CCSER1: variants seen among roughly 807,000 people sequenced by gnomAD.
The protein encoded by CCSER1 is serine-rich coiled-coil domain-containing protein 1.
Under a neutral mutation model 82.0 loss-of-function variants are expected in CCSER1, and 41 were observed. The observed-to-expected ratio is 0.50, with a 90% confidence interval of 0.39 to 0.65. CCSER1 has a LOEUF of 0.65. Among genes scored for constraint, CCSER1 ranks in the 30% least tolerant of loss-of-function variants. The pLI is 0.00. For synonymous variants in CCSER1, 414 were observed against 383.9 expected (o/e 1.08, Z -0.92); for missense variants, 1,119 against 1,064.2 (o/e 1.05, Z -0.72).
chr4:90,271,138 T>A (rs775823525), intron 1 of CCSER1, among the ~76,000 whole-genome samples: 1 of 151,850 alleles, frequency 6.6e-6, no homozygotes, highest in Admixed American at 6.6e-5. Flanking sequence ...AGAAAAAAAA[T>A]GCTAAAATTT....
At chr4:91,588,052 T>C (rs1054985031) in intron 10 of CCSER1, among the ~76,000 whole-genome samples, 3 of 151,598 alleles carry the variant, frequency 2.0e-5, no homozygotes, top group African/African-American at 7.3e-5. Context: ...ATCTTTGCAA[T>C]TGTAAGCTTC....
chr4:91,496,777 G>GAATATATATTTGAATATATATATATTC (rs1758911897), intron 10 of CCSER1, among the ~76,000 whole-genome samples: 1 of 80,738 alleles, frequency 1.2e-5, no homozygotes, highest in Non-Finnish European at 2.4e-5. Context: ...AATATATATT[G>GAATATATATTTGAATATATATATATTC]AATATATATT....
chr4:90,292,334 T>C (rs548247005), intron 1 of CCSER1, among the ~76,000 whole-genome samples: 2 of 152,096 alleles, frequency 1.3e-5, no homozygotes, highest in Non-Finnish European at 2.9e-5. Flanking sequence ...TGTATATTTG[T>C]ATGTGTACTA....
chr4:91,047,307 A>C (rs1161920744), intron 9 of CCSER1, among the ~76,000 whole-genome samples: 2 of 152,166 alleles, frequency 1.3e-5, no homozygotes, highest in Admixed American at 1.3e-4. Context: ...TATTCACCTC[A>C]GAATGATTTC....
intron 2 of CCSER1, among the ~76,000 whole-genome samples, chr4:90,311,498 T>C (rs1735278890): frequency 6.6e-6 from 1 of 152,156 alleles, no homozygotes; most frequent in Admixed American, 6.5e-5. Flanking sequence ...TTTTTGAAAA[T>C]ATTCATGTGC....
intron 9 of CCSER1, among the ~76,000 whole-genome samples, chr4:90,999,711 C>T (rs1317845713): frequency 1.3e-5 from 2 of 152,090 alleles, no homozygotes; most frequent in Admixed American, 6.6e-5. Flanking sequence ...GTTTCTTTTG[C>T]TGTGCAGAAG....
At chr4:91,223,792 T>A (rs933680860) in intron 10 of CCSER1, among the ~76,000 whole-genome samples, 1 of 151,952 alleles carries the variant, frequency 6.6e-6, no homozygotes, top group Non-Finnish European at 1.5e-5. Context: ...ATAGAGAAAA[T>A]CCTTAAGAAA....
chr4:90,581,384 A>G (rs1781399108), intron 5 of CCSER1, among the ~76,000 whole-genome samples: 1 of 152,172 alleles, frequency 6.6e-6, no homozygotes, highest in South Asian at 2.1e-4. Context: ...TCTTCAGGAC[A>G]TTCAGTAGGA....
At chr4:90,732,062 A>ACTCTCC (rs1744858049) in intron 7 of CCSER1, among the ~76,000 whole-genome samples, 1 of 76,158 alleles carries the variant, frequency 1.3e-5, no homozygotes, top group Admixed American at 1.1e-4. Context: ...TCTCTCTCTC[A>ACTCTCC]CTGCTCTATT....
At chr4:91,484,145 A>G (rs1429775324) in intron 10 of CCSER1, among the ~76,000 whole-genome samples, 1 of 151,798 alleles carries the variant, frequency 6.6e-6, no homozygotes, top group Non-Finnish European at 1.5e-5. Context: ...TTTTTTTTGA[A>G]ACCTCTAGTC....
At chr4:90,972,846 G>C (rs753688938) in intron 9 of CCSER1, among the ~76,000 whole-genome samples, 2 of 151,692 alleles carry the variant, frequency 1.3e-5, no homozygotes, top group Non-Finnish European at 2.9e-5. Context: ...GAGTGCAGAG[G>C]TAATTCTCCA....
intron 10 of CCSER1, among the ~76,000 whole-genome samples, chr4:91,121,464 T>C (rs1489292343): frequency 6.6e-6 from 1 of 151,650 alleles, no homozygotes; most frequent in Non-Finnish European, 1.5e-5. Flanking sequence ...TTCTTTATAG[T>C]AGAAGTGTAT....
At chr4:90,579,672 G>A (rs1052586834) in intron 5 of CCSER1, among the ~76,000 whole-genome samples, 1 of 148,172 alleles carries the variant, frequency 6.7e-6, no homozygotes. Flanking sequence ...GTACCTGGGG[G>A]CAATTACTGG....
chr4:90,183,532 A>G (rs1734069720), intron 1 of CCSER1, among the ~76,000 whole-genome samples: 1 of 152,112 alleles, frequency 6.6e-6, no homozygotes, highest in African/African-American at 2.4e-5. Flanking sequence ...CTGCTCTCCC[A>G]CAGTGCACAC....
chr4:91,145,814 G>C (rs543100213), intron 10 of CCSER1, among the ~76,000 whole-genome samples: 2 of 152,112 alleles, frequency 1.3e-5, no homozygotes, highest in Admixed American at 1.3e-4. Flanking sequence ...TCAAGCCAAG[G>C]TGTCAACTGT....
intron 10 of CCSER1, among the ~76,000 whole-genome samples, chr4:91,238,105 G>A (rs1049852716): frequency 6.6e-6 from 1 of 152,044 alleles, no homozygotes; most frequent in Non-Finnish European, 1.5e-5. Flanking sequence ...CTCTTCTTTA[G>A]TGTCAACAGG....
At chr4:90,328,189 A>G (rs1310989280) in intron 3 of CCSER1, among the ~76,000 whole-genome samples, 1 of 152,194 alleles carries the variant, frequency 6.6e-6, no homozygotes, top group Non-Finnish European at 1.5e-5. Flanking sequence ...CACGACAATC[A>G]CAATATATTA....
intron 9 of CCSER1, among the ~76,000 whole-genome samples, chr4:90,933,569 G>T: frequency 6.6e-6 from 1 of 151,708 alleles, no homozygotes. Context: ...CTTTGCAGGA[G>T]TATCAGTAAT....
intron 10 of CCSER1, among the ~76,000 whole-genome samples, chr4:91,442,797 CA>C (rs1368189530): frequency 6.6e-6 from 1 of 150,900 alleles, no homozygotes; most frequent in Non-Finnish European, 1.5e-5. Context: ...ACAACCCCAT[CA>C]AAAAGTGGGC....
Sources: allele counts gnomAD v4.1 joint callset (sites outside exome capture counted in the v4.1 genomes callset), GRCh38; gene constraint gnomAD v4.1.1; transcripts MANE v1.5; gene names NCBI Gene and HGNC (gene_info 2026-07-23, HGNC 2026-07-21).